The following BICD1 variants were observed in gnomAD, a reference collection of about 807,000 sequenced individuals.
The protein encoded by BICD1 is protein bicaudal D homolog 1.
A neutral mutation model predicts 92.5 loss-of-function variants in BICD1; 35 were observed. The ratio of observed to expected loss-of-function variants is 0.38; its 90% CI spans 0.29 to 0.50. The LOEUF is 0.50. Ranked by LOEUF, BICD1 falls within the 20% of genes least tolerant of loss-of-function variation. The pLI is 0.93. For synonymous variants in BICD1, 429 were observed against 465.1 expected (o/e 0.92, Z 1.00); for missense variants, 950 against 1,189.8 (o/e 0.80, Z 2.97).
chr12:32,228,062 G>C, intron 2 of BICD1: 1 of 247,026 alleles, frequency 4.0e-6, no homozygotes. Flanking sequence ...TCTTGTCATT[G>C]AATGTAAGTT....
At chr12:32,121,493 T>C (rs912360084) in intron 1 of BICD1, among the ~76,000 whole-genome samples, 1 of 151,728 alleles carries the variant, frequency 6.6e-6, no homozygotes, top group Non-Finnish European at 1.5e-5. Context: ...CTTGGGAGGC[T>C]GAGGCAGGAG....
chr12:32,218,747 T>C (rs1945431029), intron 2 of BICD1, among the ~76,000 whole-genome samples: 1 of 152,222 alleles, frequency 6.6e-6, no homozygotes, highest in South Asian at 2.1e-4. Context: ...AAAAAGATCT[T>C]GTGTTTCTTT....
intron 1 of BICD1, among the ~76,000 whole-genome samples, chr12:32,211,079 C>T (rs1945199725): frequency 1.3e-5 from 2 of 152,186 alleles, no homozygotes; most frequent in Admixed American, 1.3e-4. Flanking sequence ...AGTGTTTTCT[C>T]CTTCACCCTC....
intron 2 of BICD1, among the ~76,000 whole-genome samples, chr12:32,254,002 T>TATTTAC (rs1946645918): frequency 4.1e-5 from 5 of 120,684 alleles, no homozygotes; most frequent in Non-Finnish European, 7.5e-5. Context: ...GCCACATTCA[T>TATTTAC]TGCGGTATCC....
intron 2 of BICD1, among the ~76,000 whole-genome samples, chr12:32,280,945 T>G (rs1172192244): frequency 1.3e-5 from 2 of 152,268 alleles, no homozygotes; most frequent in Non-Finnish European, 2.9e-5. Flanking sequence ...GTTTAGCGAA[T>G]GGTGCATACC....
At chr12:32,375,327 GA>G (rs1305035677) in intron 9 of BICD1, among the ~76,000 whole-genome samples, 3 of 152,000 alleles carry the variant, frequency 2.0e-5, no homozygotes, top group African/African-American at 7.2e-5. Context: ...TCAGGAGTTC[GA>G]GACCAGCCTG....
chr12:32,375,534 A>G (rs1939921012), intron 9 of BICD1, among the ~76,000 whole-genome samples: 1 of 152,150 alleles, frequency 6.6e-6, no homozygotes, highest in Admixed American at 6.5e-5. Flanking sequence ...TATCAAAAAA[A>G]TTTACAAATG....
intron 1 of BICD1, among the ~76,000 whole-genome samples, chr12:32,197,969 G>T (rs1318697768): frequency 6.6e-6 from 1 of 152,080 alleles, no homozygotes; most frequent in Admixed American, 6.5e-5. Flanking sequence ...ATTTTGGGAG[G>T]CCAAGGCGGG....
chr12:32,315,763 T>TA (rs1238384253), intron 4 of BICD1, among the ~76,000 whole-genome samples: 2 of 152,188 alleles, frequency 1.3e-5, no homozygotes, highest in African/African-American at 4.8e-5. Flanking sequence ...TTTGAGTACC[T>TA]ATACAACTGT....
At chr12:32,276,994 C>A (rs756522934) in intron 2 of BICD1, among the ~76,000 whole-genome samples, 3 of 152,134 alleles carry the variant, frequency 2.0e-5, no homozygotes, top group Non-Finnish European at 4.4e-5. Flanking sequence ...TGGACGTCCC[C>A]CCCTACTTTT....
intron 1 of BICD1, among the ~76,000 whole-genome samples, chr12:32,154,426 T>G (rs1461728154): frequency 2.0e-5 from 3 of 152,164 alleles, no homozygotes; most frequent in African/African-American, 7.2e-5. Context: ...TAAACACCAC[T>G]TAAACTCCCA....
In BICD1 at chr12:32,337,303, T is replaced by A. The variant is rs113450841; in HGVS notation, c.2253-196T>A. Among the ~76,000 whole-genome samples, 3,476 of 152,298 alleles carry A rather than the reference T, an allele frequency of 0.023. 123 individuals are homozygous for A. Among genetic ancestry groups the A allele is most frequent in the African/African-American group, 0.079 (3,276 of 41,546 alleles). On this transcript the variant is annotated intron_variant, in intron 6 of 9. Transcript: ENST00000652176. The surrounding 1 kb of genome is among the most constrained non-coding windows in gnomAD (Gnocchi z 4.7). ...AATAATAATAAATTTTTTAAAAATG[T>A]CCCATATATCTCATTGTATGGATGA...
chr12:32,224,230 T>G (rs1945618835), intron 2 of BICD1, among the ~76,000 whole-genome samples: 1 of 152,218 alleles, frequency 6.6e-6, no homozygotes, highest in African/African-American at 2.4e-5. Flanking sequence ...TCTTCTCCTC[T>G]CCATACTTGT....
intron 1 of BICD1, among the ~76,000 whole-genome samples, chr12:32,203,066 C>G (rs1944952556): frequency 6.6e-6 from 1 of 152,152 alleles, no homozygotes; most frequent in East Asian, 1.9e-4. Flanking sequence ...TGATTTATGG[C>G]TAAGCTGGCA....
chr12:32,116,492 T>TATATATATATA (rs1565524980), intron 1 of BICD1, among the ~76,000 whole-genome samples: 1 of 122,992 alleles, frequency 8.1e-6, no homozygotes, highest in Non-Finnish European at 1.7e-5. Flanking sequence ...CTCTCTCTCT[T>TATATATATATA]TCTCTCTCTC....
chr12:32,209,668 G>A (rs772998912), intron 1 of BICD1, among the ~76,000 whole-genome samples: 8 of 152,168 alleles, frequency 5.3e-5, no homozygotes, highest in Non-Finnish European at 1.0e-4. Flanking sequence ...GAGGCGTCAT[G>A]GCAGTGCTGT....
At chr12:32,344,850 T>C (rs938488239) in intron 8 of BICD1, among the ~76,000 whole-genome samples, 1 of 152,186 alleles carries the variant, frequency 6.6e-6, no homozygotes, top group African/African-American at 2.4e-5. Context: ...CTTGAACTAG[T>C]AGGAGTGAAG....
Position 32,377,704 on chromosome 12 carries a change from G to T in BICD1, c.*77G>T. 3 of 1,321,116 alleles carry T rather than the reference G, an allele frequency of 2.3e-6. No individual in the cohort carries two copies. Among genetic ancestry groups the T allele is most frequent in the Non-Finnish European group, 3.3e-6 (3 of 916,452 alleles). 81.8% of individuals were successfully genotyped at this position (1,321,116 alleles called of 1,614,324 possible). On this transcript the variant is annotated 3_prime_UTR_variant, in exon 10 of 10. Coordinates refer to ENST00000652176, the MANE Select transcript of BICD1 (RefSeq NM_001714.4). ...CAGGATACTGCCCAAGATCCAGCGG[G>T]TGTTTTCTTCTCGGTTGTTAGATGT...
intron 2 of BICD1, among the ~76,000 whole-genome samples, chr12:32,250,146 T>A (rs915635699): frequency 6.6e-6 from 1 of 152,074 alleles, no homozygotes; most frequent in Non-Finnish European, 1.5e-5. Context: ...TGTTTAGACG[T>A]TGAGTTAAAC....
Sources: allele counts gnomAD v4.1 joint callset (sites outside exome capture counted in the v4.1 genomes callset), GRCh38; gene constraint gnomAD v4.1.1; non-coding constraint Gnocchi (gnomAD v3.1); transcripts MANE v1.5; gene names NCBI Gene and HGNC (gene_info 2026-07-23, HGNC 2026-07-21).